Variants in VSIG8 observed in about 807,000 individuals in gnomAD.
The protein encoded by VSIG8 is V-set and immunoglobulin domain-containing protein 8.
In VSIG8, 32 loss-of-function variants were observed where a neutral mutation model predicts 42.6. That is an observed-to-expected ratio of 0.75 (90% confidence interval 0.57 to 1.01). The LOEUF is 1.01. Ranked by LOEUF, VSIG8 falls within the 50% of genes least tolerant of loss-of-function variation. The probability of loss-of-function intolerance (pLI) is 0.00; values close to 1 mark genes in which losing one functional copy is unlikely to be tolerated. For synonymous variants in VSIG8, 290 were observed against 243.8 expected (o/e 1.19, Z -1.77); for missense variants, 529 against 558.0 (o/e 0.95, Z 0.52).
Position 159,856,049 on chromosome 1 carries a change from C to G in VSIG8, c.805G>C (p.Val269Leu), listed in dbSNP as rs776780030. ...SRRIGVIIGI[V>L]LGSLLALGCL... ...CCCAGCGCGAGCAGAGAGCCCAGGA[C>G]GATGCCGATGATCACGCCTATACGC... is the stretch of plus-strand genomic sequence containing the variant. The change falls in exon 6 of 7, where the codon GTC becomes CTC. Residue 269 changes from valine to leucine, a missense_variant. By Grantham distance (32) the Val-to-Leu change is conservative (BLOSUM62 1). Coordinates refer to ENST00000368100, the MANE Select transcript of VSIG8 (RefSeq NM_001013661.1). 8.1e-6 allele frequency: 13 copies of G among 1,612,262 alleles called. No individual in the cohort carries two copies. The highest frequency in any genetic ancestry group is 1.0e-5 in the Non-Finnish European group (12 of 1,179,454).
chr1:159,855,262 G>A (rs905207472), intron 6 of VSIG8: 1 of 1,551,046 alleles, frequency 6.4e-7, no homozygotes, highest in Non-Finnish European at 8.7e-7. Context: ...TTGTCCACGC[G>A]TATCTGGAGA....
At chr1:159,858,689 C>T (rs1409372364) in intron 2 of VSIG8, 45 bp downstream of exon 2, 2 of 1,561,452 alleles carry the variant, frequency 1.3e-6, no homozygotes, top group Non-Finnish European at 1.7e-6. Context: ...AACAGGTAGA[C>T]ATCATGAAGC....
intron 3 of VSIG8, 21 bp from the exon 4 acceptor site, chr1:159,857,987 G>A (rs370695926): frequency 1.2e-6 from 2 of 1,612,468 alleles, no homozygotes; most frequent in Non-Finnish European, 8.5e-7. Flanking sequence ...GCAGACAATT[G>A]TAAGCCAGGG....
At position 159,862,468 on chromosome 1, in the gene VSIG8, C is replaced by G. The variant is rs201780656; in HGVS notation, c.49+5G>C. Reference sequence around the variant, plus strand: ...GGCTACCCTGCCCCCTGCCCAGCCCCGTACCTGGGCTCAGGCACACGAGTA... The same window carrying G: ...GGCTACCCTGCCCCCTGCCCAGCCCGGTACCTGGGCTCAGGCACACGAGTA... On this transcript the variant is annotated splice_donor_5th_base_variant and intron_variant, in intron 1 of 6. Transcript: ENST00000368100. The G allele has an allele frequency of 6.2e-7, 1 of 1,612,056 alleles. No individual in the cohort carries two copies. Among genetic ancestry groups the G allele is most frequent in the Middle Eastern group, 1.7e-4 (1 of 6,048 alleles).
At chr1:159,858,979 A>G in intron 1 of VSIG8, 67 bp from the exon 2 acceptor site, 1 of 1,524,324 alleles carries the variant, frequency 6.6e-7, no homozygotes, top group Non-Finnish European at 8.9e-7. Flanking sequence ...AGTCAGTGTC[A>G]GCCCTTCCCT....
rs1648718029 is a variant in VSIG8 at position 159,854,349 on chromosome 1, T to G, written c.*404A>C. ...CAATGTTTCTTTATTGTGCTAACACTGCTGCCTCAGAGCTCAGACCTCACA... is the reference window on the plus strand; with the variant it reads ...CAATGTTTCTTTATTGTGCTAACACGGCTGCCTCAGAGCTCAGACCTCACA... On this transcript the variant is annotated 3_prime_UTR_variant, in exon 7 of 7. Transcript: ENST00000368100. 1 of 185,688 alleles carries G rather than the reference T, an allele frequency of 5.4e-6. No homozygotes were observed. The highest frequency in any genetic ancestry group is 1.8e-4 in the South Asian group (1 of 5,650). 11.5% of individuals were successfully genotyped at this position (185,688 alleles called of 1,614,324 possible).
chr1:159,855,325 A>G, intron 6 of VSIG8: 3 of 1,501,580 alleles, frequency 2.0e-6, no homozygotes, highest in South Asian at 1.3e-5. Context: ...GATGTTTCGC[A>G]GGCCCAGAAG....
chr1:159,854,518 C>T lies in VSIG8; in HGVS notation c.*235G>A, dbSNP rs995890748. 2.5e-6 allele frequency: 2 copies of T among 784,780 alleles called. No homozygotes were observed. The highest frequency in any genetic ancestry group is 3.5e-5 in the East Asian group (1 of 28,768). 48.6% of individuals were successfully genotyped at this position (784,780 alleles called of 1,614,324 possible). A position where few individuals can be genotyped will look rare whatever the true frequency, so the allele number is the denominator to read the frequency against. On this transcript the variant is annotated 3_prime_UTR_variant, in exon 7 of 7. Transcript: ENST00000368100. ...TCCCTCTCCCCCAAGCCTTCGGTCC[C>T]GGGGGTGCGGAGAAGGCTCAGGATC... is the stretch of plus-strand genomic sequence containing the variant.
intron 6 of VSIG8, chr1:159,855,257 C>G (rs1267452347): frequency 1.4e-5 from 21 of 1,551,094 alleles, no homozygotes; most frequent in Non-Finnish European, 1.7e-5. Context: ...AGGGCTTGTC[C>G]ACGCGTATCT....
chr1:159,859,308 T>C (rs1202419619), intron 1 of VSIG8, among the ~76,000 whole-genome samples: 1 of 152,198 alleles, frequency 6.6e-6, no homozygotes, highest in Non-Finnish European at 1.5e-5. Flanking sequence ...GATGTGTTTG[T>C]GTGTGTGAAG....
chr1:159,859,626 C>A (rs1648960053), intron 1 of VSIG8, among the ~76,000 whole-genome samples: 1 of 152,070 alleles, frequency 6.6e-6, no homozygotes, highest in South Asian at 2.1e-4. Context: ...TGACAGTGGA[C>A]AGCTGTGACC....
chr1:159,857,599 C>CTGCTG, intron 4 of VSIG8, 146 bp downstream of exon 4: 1 of 608,206 alleles, frequency 1.6e-6, no homozygotes, highest in East Asian at 2.9e-5. Flanking sequence ...AAAATAGCAG[C>CTGCTG]TGCTGGGGCA....
rs544815924 is a variant in VSIG8, at chr1:159,854,751, G to A, written c.*2C>T. 1 of 1,473,694 alleles carries A rather than the reference G, an allele frequency of 6.8e-7. No individual in the cohort carries two copies. The highest frequency in any genetic ancestry group is 2.5e-5 in the Admixed American group (1 of 40,596). The allele number at this position is 1,473,694 out of a possible 1,614,324, so 91.3% of individuals were successfully genotyped here. On this transcript the variant is annotated 3_prime_UTR_variant, in exon 7 of 7. Coordinates refer to ENST00000368100, the MANE Select transcript of VSIG8 (RefSeq NM_001013661.1). ...GGGCGCAGCCCGGCCCGGCGCGCGC[G>A]CTCACACCAAGAGGCCGTTCTTGCA...
Position 159,854,455 on chromosome 1 carries a change from G to C in VSIG8, c.*298C>G. On this transcript the variant is annotated 3_prime_UTR_variant, in exon 7 of 7. Coordinates refer to ENST00000368100, the MANE Select transcript of VSIG8 (RefSeq NM_001013661.1). ...CTTAGGCTGGGGACACCAGGCCTCCGGCCTCAGCCGCTCTAGGACACTCAG... is the reference window on the plus strand; with the variant it reads ...CTTAGGCTGGGGACACCAGGCCTCCCGCCTCAGCCGCTCTAGGACACTCAG... 2.4e-5 allele frequency: 7 copies of C among 290,658 alleles called. No homozygotes were observed. The highest frequency in any genetic ancestry group is 1.1e-4 in the East Asian group (1 of 8,778). 18.0% of individuals were successfully genotyped at this position (290,658 alleles called of 1,614,324 possible). A position where few individuals can be genotyped will look rare whatever the true frequency, so the allele number is the denominator to read the frequency against.
chr1:159,855,669 G>A, intron 6 of VSIG8: 2 of 957,656 alleles, frequency 2.1e-6, no homozygotes, highest in Non-Finnish European at 2.5e-6. Flanking sequence ...GAGGGAAATG[G>A]AAGGCAGGGA....
At chr1:159,859,464 C>T (rs1181833081) in intron 1 of VSIG8, among the ~76,000 whole-genome samples, 1 of 152,184 alleles carries the variant, frequency 6.6e-6, no homozygotes, top group Non-Finnish European at 1.5e-5. Flanking sequence ...GGACTCCTCT[C>T]CAGCCTGAGA....
rs201612422 is a variant in VSIG8, at chr1:159,858,174, G to T, written c.346C>A (p.Leu116Met). 1 of 1,614,216 alleles carries T rather than the reference G, an allele frequency of 6.2e-7. No homozygotes were observed. The highest frequency in any genetic ancestry group is 1.7e-5 in the Admixed American group (1 of 60,034). Reference protein sequence around the residue: ...QYDASINLMNLQVSDTATYEC... With the variant: ...QYDASINLMNMQVSDTATYEC... ...TAAGTGGCTGTATCAGATACCTGCAGGTTCATGAGGTTGATGGAGGCATCG... is the reference window on the plus strand; with the variant it reads ...TAAGTGGCTGTATCAGATACCTGCATGTTCATGAGGTTGATGGAGGCATCG... The change falls in exon 3 of 7, where the codon CTG becomes ATG. Residue 116 changes from leucine to methionine, a missense_variant. Transcript: ENST00000368100.
Position 159,855,014 on chromosome 1 carries a change from CA to C in VSIG8, c.983del (p.Val328GlyfsTer130). On this transcript the variant is annotated frameshift_variant, in exon 7 of 7. Transcript: ENST00000368100. LOFTEE classifies it high-confidence loss of function. Reference sequence around the variant, plus strand: ...GCCCGCTGGCCTTGCACCCGGGCGCCACGGCGTCCTCTCTGTGGAAAACAAC... The same window carrying C: ...GCCCGCTGGCCTTGCACCCGGGCGCCCGGCGTCCTCTCTGTGGAAAACAAC... The part of the protein sequence containing the change: ...DLASEIREDA[V>X]APGCKASGRG... 6.4e-7 allele frequency: 1 copy of C among 1,570,152 alleles called. No individual in the cohort carries two copies. Among genetic ancestry groups the C allele is most frequent in the Non-Finnish European group, 8.6e-7 (1 of 1,161,104 alleles).
At chr1:159,861,362 G>A (rs1053829667) in intron 1 of VSIG8, 3 of 152,138 alleles carry the variant, frequency 2.0e-5, no homozygotes, top group Admixed American at 6.5e-5. Context: ...CCCTCTGGAG[G>A]TAAGGGAGGG....
Sources: allele counts gnomAD v4.1 joint callset (sites outside exome capture counted in the v4.1 genomes callset), GRCh38; gene constraint gnomAD v4.1.1; transcripts MANE v1.5; gene names NCBI Gene and HGNC (gene_info 2026-07-23, HGNC 2026-07-21).